Variants in ARHGAP8 observed in about 807,000 individuals in gnomAD.
ARHGAP8 encodes rho GTPase-activating protein 8.
A neutral mutation model predicts 46.1 loss-of-function variants in ARHGAP8; 62 were observed. The ratio of observed to expected loss-of-function variants is 1.34; its 90% CI spans 1.10 to 1.66. The LOEUF (loss-of-function observed/expected upper bound fraction) is 1.66, where lower values mean the gene tolerates loss of function less well. ARHGAP8 is among the 40% of genes most tolerant of loss of function. ARHGAP8 has a pLI of 0.00. For missense variants in ARHGAP8, 923 were observed against 568.4 expected (o/e 1.62, Z -6.34); for synonymous variants, 375 against 243.1 (o/e 1.54, Z -5.05).
At chr22:44,792,087 A>T (rs1927732250) in intron 2 of ARHGAP8, among the ~76,000 whole-genome samples, 2 of 150,736 alleles carry the variant, frequency 1.3e-5, no homozygotes, top group African/African-American at 4.9e-5. Context: ...ATCTCAGCTC[A>T]CTGCAACCTC....
At chr22:44,765,485 TG>T in intron 1 of ARHGAP8, 1 of 152,068 alleles carries the variant, frequency 6.6e-6, no homozygotes, top group Non-Finnish European at 1.5e-5. Flanking sequence ...CTAGGGGCCC[TG>T]GGGAGGGGTG....
At chr22:44,777,150 A>C (rs1926486444) in intron 1 of ARHGAP8, 1 of 152,090 alleles carries the variant, frequency 6.6e-6, no homozygotes, top group Admixed American at 6.6e-5. Flanking sequence ...ACACTCTGCT[A>C]TTCTTCAACA....
At chr22:44,839,206 C>G (rs1201771815) in intron 7 of ARHGAP8, among the ~76,000 whole-genome samples, 1 of 152,064 alleles carries the variant, frequency 6.6e-6, no homozygotes, top group Non-Finnish European at 1.5e-5. Flanking sequence ...GAGAGGAAAC[C>G]AAGATGGGAA....
At chr22:44,827,631 C>T in intron 7 of ARHGAP8, among the ~76,000 whole-genome samples, 1 of 152,124 alleles carries the variant, frequency 6.6e-6, no homozygotes, top group Non-Finnish European at 1.5e-5. Flanking sequence ...GTGTGAGCCA[C>T]CTCGCCTGGC....
intron 1 of ARHGAP8, among the ~76,000 whole-genome samples, chr22:44,773,904 C>T (rs985088726): frequency 9.9e-5 from 15 of 152,154 alleles, no homozygotes; most frequent in African/African-American, 3.6e-4. Flanking sequence ...TATTAATATG[C>T]CATTTATACT....
chr22:44,770,776 C>A (rs1925941697), intron 1 of ARHGAP8, among the ~76,000 whole-genome samples: 1 of 152,188 alleles, frequency 6.6e-6, no homozygotes, highest in African/African-American at 2.4e-5. Context: ...TTGTGACCTC[C>A]AGGACAATGG....
rs148570506 is a variant in ARHGAP8 at position 44,799,458 on chromosome 22, C to T, written c.80-2619C>T. ...AAGGGGTGTAGAGTCAGCAAGGAGG[C>T]GGGAGAGCATTCCAGGTGGAAGCTC... On this transcript the variant is annotated intron_variant, in intron 2 of 11. Coordinates refer to ENST00000356099, the MANE Select transcript of ARHGAP8 (RefSeq NM_181335.3). Among the ~76,000 whole-genome samples the T allele has an allele frequency of 4.3e-3, 647 of 152,192 alleles. 4 individuals carry two copies. The highest frequency in any genetic ancestry group is 0.014 in the African/African-American group (589 of 41,538).
chr22:44,858,641 G>A (rs2070317003), intron 10 of ARHGAP8, among the ~76,000 whole-genome samples: 1 of 148,046 alleles, frequency 6.8e-6, no homozygotes, highest in Non-Finnish European at 1.5e-5. Flanking sequence ...AAAGTGTTGG[G>A]ATTACAGGCA....
At chr22:44,829,272 CAG>C (rs1355030398) in intron 7 of ARHGAP8, among the ~76,000 whole-genome samples, 1 of 148,524 alleles carries the variant, frequency 6.7e-6, no homozygotes, top group Non-Finnish European at 1.5e-5. Flanking sequence ...GCCCAGGAGA[CAG>C]AGCGAGACTC....
intron 7 of ARHGAP8, among the ~76,000 whole-genome samples, chr22:44,831,052 T>C (rs1374710756): frequency 6.6e-6 from 1 of 152,242 alleles, no homozygotes; most frequent in African/African-American, 2.4e-5. Flanking sequence ...TTTGTTGATA[T>C]ATGCTAGACC....
intron 11 of ARHGAP8, among the ~76,000 whole-genome samples, chr22:44,860,102 T>G (rs767503185): frequency 6.6e-6 from 1 of 152,120 alleles, no homozygotes; most frequent in East Asian, 1.9e-4. Context: ...TGACTTTTGT[T>G]ATTGGGGTCC....
intron 5 of ARHGAP8, among the ~76,000 whole-genome samples, chr22:44,820,061 A>G (rs1421087281): frequency 6.7e-6 from 1 of 148,400 alleles, no homozygotes. Flanking sequence ...AAATGAAGGA[A>G]GTAGAGGAAC....
intron 6 of ARHGAP8, among the ~76,000 whole-genome samples, chr22:44,823,429 A>T (rs1569163646): frequency 6.6e-6 from 1 of 152,064 alleles, no homozygotes; most frequent in East Asian, 1.9e-4. Context: ...CTGCAAACAT[A>T]TGGGTGAAAT....
intron 3 of ARHGAP8, among the ~76,000 whole-genome samples, chr22:44,802,513 G>T (rs1026529961): frequency 6.6e-6 from 1 of 152,126 alleles, no homozygotes; most frequent in Non-Finnish European, 1.5e-5. Flanking sequence ...CCTCCCCCAC[G>T]CACTGTCCCT....
intron 7 of ARHGAP8, among the ~76,000 whole-genome samples, chr22:44,835,948 G>C (rs1326688509): frequency 1.3e-5 from 2 of 152,090 alleles, no homozygotes; most frequent in East Asian, 3.9e-4. Context: ...CCTTCTCTTT[G>C]CGATCGGCCT....
chr22:44,847,918 C>G, intron 8 of ARHGAP8, 55 bp from the exon 9 acceptor site: 1 of 1,598,792 alleles, frequency 6.3e-7, no homozygotes, highest in South Asian at 1.1e-5. Flanking sequence ...ATATAATGTC[C>G]TGGAAGCCCT....
intron 10 of ARHGAP8, among the ~76,000 whole-genome samples, chr22:44,858,786 A>G (rs931920353): frequency 1.3e-5 from 2 of 149,184 alleles, no homozygotes; most frequent in Non-Finnish European, 3.0e-5. Context: ...AGGGTGGGAC[A>G]CTGCCTTTCC....
intron 11 of ARHGAP8, among the ~76,000 whole-genome samples, chr22:44,860,211 T>G (rs1399152037): frequency 6.6e-6 from 1 of 152,138 alleles, no homozygotes; most frequent in Non-Finnish European, 1.5e-5. Context: ...TGACCATTCC[T>G]GGGGAAGGGA....
intron 7 of ARHGAP8, among the ~76,000 whole-genome samples, chr22:44,837,549 G>A (rs1012240219): frequency 6.6e-6 from 1 of 152,192 alleles, no homozygotes; most frequent in African/African-American, 2.4e-5. Flanking sequence ...GATGAACGTG[G>A]TGTGATACGA....
Sources: allele counts gnomAD v4.1 joint callset (sites outside exome capture counted in the v4.1 genomes callset), GRCh38; gene constraint gnomAD v4.1.1; transcripts MANE v1.5; gene names NCBI Gene and HGNC (gene_info 2026-07-23, HGNC 2026-07-21).